Variants in WDFY2 observed in about 807,000 individuals in gnomAD.
WDFY2 encodes the protein WD repeat and FYVE domain containing 2.
Under a neutral mutation model 56.4 loss-of-function variants are expected in WDFY2, and 36 were observed. The observed-to-expected ratio is 0.64, with a 90% CI of 0.49 to 0.84. The LOEUF is 0.84. WDFY2 is among the 40% of genes least tolerant of loss of function. The pLI, the probability that WDFY2 is intolerant of heterozygous loss-of-function variation, is 0.00. For missense variants in WDFY2, 444 were observed against 512.2 expected (o/e 0.87, Z 1.29); for synonymous variants, 176 against 183.7 (o/e 0.96, Z 0.34).
intron 4 of WDFY2, among the ~76,000 whole-genome samples, chr13:51,708,440 T>G (rs933649720): frequency 3.3e-5 from 5 of 151,916 alleles, no homozygotes; most frequent in Non-Finnish European, 7.4e-5. Flanking sequence ...GCCTGCACCA[T>G]TGTACTCTAC....
chr13:51,737,389 C>T (rs956300731), intron 6 of WDFY2, among the ~76,000 whole-genome samples: 7 of 151,698 alleles, frequency 4.6e-5, no homozygotes, highest in Non-Finnish European at 7.4e-5. Context: ...CTTTCATATT[C>T]TTACTCCTTC....
At chr13:51,586,712 A>T (rs1953943627) in intron 1 of WDFY2, 1 of 152,222 alleles carries the variant, frequency 6.6e-6, no homozygotes, top group Non-Finnish European at 1.5e-5. Flanking sequence ...GATGAAAGAA[A>T]TGCAATGTTC....
Position 51,751,341 on chromosome 13 carries a change from C to G in WDFY2, c.757C>G (p.His253Asp), listed in dbSNP as rs984953713. The G allele has an allele frequency of 1.1e-5, 17 of 1,613,992 alleles. No homozygotes were observed. The highest frequency in any genetic ancestry group is 1.4e-5 in the Non-Finnish European group (16 of 1,179,912). The stretch of plus-strand genomic sequence containing the variant: ...AGTCCAGGCCCTCTCCTATGCACAG[C>G]ACACGCGACAATTGATCTCCTGTGG... ...DRVQALSYAQ[H>D]TRQLISCGGD... Residue 253 changes from histidine to aspartate, a missense_variant, in exon 8 of 12, where the codon CAC becomes GAC. Coordinates refer to ENST00000298125, the MANE Select transcript of WDFY2 (RefSeq NM_052950.4).
chr13:51,718,486 G>A (rs890943109), intron 4 of WDFY2, among the ~76,000 whole-genome samples: 7 of 151,432 alleles, frequency 4.6e-5, no homozygotes, highest in Non-Finnish European at 5.9e-5. Context: ...CTGGAATTAC[G>A]TGATGTGATA....
chr13:51,760,574 G>A lies in WDFY2; in HGVS notation c.*805G>A, dbSNP rs1953550029. ...ATTTAGAATTCAGTTGGAGCCTCCT[G>A]AGCCTCTTGTTTTAGCTTTTTTGAC... On this transcript the variant is annotated 3_prime_UTR_variant, in exon 12 of 12. Coordinates refer to ENST00000298125, the MANE Select transcript of WDFY2 (RefSeq NM_052950.4). 6.6e-6 allele frequency: 1 copy of A among 152,146 alleles called. No homozygotes were observed. Among genetic ancestry groups the A allele is most frequent in the Non-Finnish European group, 1.5e-5 (1 of 68,026 alleles). The allele number at this position is 152,146 out of a possible 1,614,324, so 9.4% of individuals were successfully genotyped here.
intron 1 of WDFY2, among the ~76,000 whole-genome samples, chr13:51,636,885 A>C (rs914986725): frequency 3.9e-5 from 6 of 152,208 alleles, no homozygotes; most frequent in Non-Finnish European, 7.4e-5. Context: ...AATTGGGTAC[A>C]CACATGTGAA....
In WDFY2 at chr13:51,653,433, C is replaced by T. The variant is rs1023806392; in HGVS notation, c.138-7163C>T. Among the ~76,000 whole-genome samples, 4 of 152,296 alleles carry T rather than the reference C, an allele frequency of 2.6e-5. No homozygotes were observed. In the East Asian group the frequency reaches 7.7e-4, roughly 29 times the overall value. The stretch of plus-strand genomic sequence containing the variant: ...AGTCATTCTCCGTCCAGCTTTATTC[C>T]ATTGCTGGTGAGGAGCTGCGTTCCT... On this transcript the variant is annotated intron_variant, in intron 1 of 11. Coordinates refer to ENST00000298125, the MANE Select transcript of WDFY2 (RefSeq NM_052950.4).
intron 2 of WDFY2, among the ~76,000 whole-genome samples, chr13:51,671,492 G>C (rs1410412140): frequency 3.1e-4 from 47 of 152,044 alleles, no homozygotes; most frequent in Admixed American, 3.1e-3. Context: ...TTTCAAGTTT[G>C]TTGGCCATTT....
At chr13:51,716,169 G>A (rs1466443904) in intron 4 of WDFY2, among the ~76,000 whole-genome samples, 2 of 152,182 alleles carry the variant, frequency 1.3e-5, no homozygotes, top group East Asian at 3.9e-4. Context: ...GTCAGGAATA[G>A]GAGGGAATTC....
intron 3 of WDFY2, among the ~76,000 whole-genome samples, chr13:51,692,349 T>C (rs1302567146): frequency 4.6e-5 from 7 of 152,216 alleles, no homozygotes; most frequent in Non-Finnish European, 8.8e-5. Flanking sequence ...ATAGCTCTTA[T>C]TATTTTGAAA....
intron 4 of WDFY2, among the ~76,000 whole-genome samples, chr13:51,712,188 A>G (rs1186209086): frequency 2.0e-5 from 3 of 152,196 alleles, no homozygotes; most frequent in Non-Finnish European, 2.9e-5. Flanking sequence ...TGAGCAAACT[A>G]TTGCAAGGAC....
chr13:51,591,508 C>A (rs1454007818), intron 1 of WDFY2: 1 of 152,092 alleles, frequency 6.6e-6, no homozygotes, highest in African/African-American at 2.4e-5. Context: ...GACCATAAAT[C>A]ATAGTAAAAA....
chr13:51,709,327 T>G (rs570177562), intron 4 of WDFY2, among the ~76,000 whole-genome samples: 1 of 152,298 alleles, frequency 6.6e-6, no homozygotes, highest in African/African-American at 2.4e-5. Flanking sequence ...TGTTCTCTGA[T>G]CAAAATGGAA....
chr13:51,635,519 C>T (rs1404879403), intron 1 of WDFY2, among the ~76,000 whole-genome samples: 2 of 152,218 alleles, frequency 1.3e-5, no homozygotes, highest in Non-Finnish European at 2.9e-5. Context: ...TTTCACCAAA[C>T]TTCCTGCATT....
Position 51,675,290 on chromosome 13 carries a change from G to A in WDFY2, c.279+47G>A, listed in dbSNP as rs773211131. The A allele has an allele frequency of 2.8e-5, 43 of 1,521,236 alleles. No homozygotes were observed. The Middle Eastern group carries it at 5.2e-4, about 18-fold the overall frequency. 94.2% of individuals were successfully genotyped at this position (1,521,236 alleles called of 1,614,324 possible). A position where few individuals can be genotyped will look rare whatever the true frequency, so the allele number is the denominator to read the frequency against. On this transcript the variant is annotated intron_variant, in intron 3 of 11. Transcript: ENST00000298125. ...TTCCAGTTGAAATACTTCCCTTCCT[G>A]TGGAGTATGTATATGTATTTATTAG...
chr13:51,638,061 C>T (rs1264010590), intron 1 of WDFY2, among the ~76,000 whole-genome samples: 1 of 152,206 alleles, frequency 6.6e-6, no homozygotes, highest in East Asian at 1.9e-4. Context: ...ATGCCTCTGA[C>T]AAGAGTAGTT....
At position 51,660,574 on chromosome 13, in the gene WDFY2, T is replaced by C. The variant is rs1434328109; in HGVS notation, c.138-22T>C. 3.1e-6 allele frequency: 5 copies of C among 1,606,116 alleles called. No homozygotes were observed. The South Asian group carries it at 5.5e-5, about 18-fold the overall frequency. ...TGGCTAAGAATAATGTGATTTCATG[T>C]ACATATTTTCTTCTGTTGTAGGACA... On this transcript the variant is annotated intron_variant, in intron 1 of 11. Coordinates refer to ENST00000298125, the MANE Select transcript of WDFY2 (RefSeq NM_052950.4).
intron 1 of WDFY2, among the ~76,000 whole-genome samples, chr13:51,651,624 C>T (rs1268282113): frequency 6.6e-6 from 1 of 152,112 alleles, no homozygotes; most frequent in Non-Finnish European, 1.5e-5. Context: ...TGTCTTTGTT[C>T]TTGTTGGTTT....
chr13:51,749,386 A>ACC (rs1953176149), intron 7 of WDFY2, among the ~76,000 whole-genome samples: 1 of 152,180 alleles, frequency 6.6e-6, no homozygotes, highest in South Asian at 2.1e-4. Flanking sequence ...AAAAACAAAA[A>ACC]CCACTGTATT....
Sources: allele counts gnomAD v4.1 joint callset (sites outside exome capture counted in the v4.1 genomes callset), GRCh38; gene constraint gnomAD v4.1.1; transcripts MANE v1.5; gene names NCBI Gene and HGNC (gene_info 2026-07-23, HGNC 2026-07-21).